Variants in ZCCHC2 observed in about 807,000 individuals in gnomAD.
ZCCHC2 encodes the protein zinc finger CCHC domain-containing protein 2.
Under a neutral mutation model 103.6 loss-of-function variants are expected in ZCCHC2, and 39 were observed. That is an observed-to-expected ratio of 0.38 (90% CI 0.29 to 0.49). The LOEUF (loss-of-function observed/expected upper bound fraction) is 0.49. Ranked by LOEUF, ZCCHC2 falls within the 20% of genes least tolerant of loss-of-function variation. The pLI, the probability that ZCCHC2 is intolerant of heterozygous loss-of-function variation, is 0.96. For missense variants in ZCCHC2, 1,483 were observed against 1,491.0 expected (o/e 0.99, Z 0.09); for synonymous variants, 687 against 608.9 (o/e 1.13, Z -1.89).
At chr18:62,525,996 C>T (rs914185834) in intron 1 of ZCCHC2, 6 of 152,230 alleles carry the variant, frequency 3.9e-5, no homozygotes, top group Admixed American at 3.9e-4. Context: ...AAATGTCCCA[C>T]AGTGGAACCT....
rs750643689 is a variant in ZCCHC2, at chr18:62,576,616, T to TG, written c.*41dup. 1.3e-6 allele frequency: 2 copies of TG among 1,580,388 alleles called. No individual in the cohort carries two copies. The highest frequency in any genetic ancestry group is 1.1e-5 in the South Asian group (1 of 89,636). On this transcript the variant is annotated 3_prime_UTR_variant, in exon 14 of 14. Coordinates refer to ENST00000269499, the MANE Select transcript of ZCCHC2 (RefSeq NM_017742.6). The stretch of plus-strand genomic sequence containing the variant: ...CTTGCCTACTTAATACACTCAAGTG[T>TG]GGGGAGTCATGGGGTGTGGAGGGGA...
intron 5 of ZCCHC2, chr18:62,552,445 A>G (rs1169505771): frequency 6.6e-6 from 1 of 152,188 alleles, no homozygotes; most frequent in African/African-American, 2.4e-5. Flanking sequence ...GGAAATACTC[A>G]CTGATGTCTT....
At chr18:62,525,842 T>C (rs917100684) in intron 1 of ZCCHC2, 2 of 152,144 alleles carry the variant, frequency 1.3e-5, no homozygotes, top group African/African-American at 4.8e-5. Flanking sequence ...TTCAGCCTAC[T>C]CGTTAATTTC....
chr18:62,549,152 G>A (rs1915553139), intron 4 of ZCCHC2, among the ~76,000 whole-genome samples: 1 of 152,098 alleles, frequency 6.6e-6, no homozygotes, highest in Non-Finnish European at 1.5e-5. Context: ...CCGGGAGGTG[G>A]AGCTTGCAGT....
chr18:62,564,039 C>T (rs1916236860), intron 9 of ZCCHC2, among the ~76,000 whole-genome samples: 1 of 152,132 alleles, frequency 6.6e-6, no homozygotes, highest in African/African-American at 2.4e-5. Flanking sequence ...CCGATGTTGT[C>T]CCTGGCCAAC....
chr18:62,524,352 C>G lies in ZCCHC2; in HGVS notation c.928C>G (p.Pro310Ala), dbSNP rs775611305. 23 of 1,523,024 alleles carry G rather than the reference C, an allele frequency of 1.5e-5. No individual in the cohort carries two copies. In the Middle Eastern group the frequency reaches 6.9e-4, roughly 45 times the overall value. 94.3% of individuals were successfully genotyped at this position (1,523,024 alleles called of 1,614,324 possible). The change falls in exon 1 of 14, where the codon CCC (proline) becomes GCC (alanine). Residue 310 changes from proline to alanine, a missense_variant. Coordinates refer to ENST00000269499, the MANE Select transcript of ZCCHC2 (RefSeq NM_017742.6). ...VEVEPCKFAGPRAQNNSAHGD... is the reference protein window; with the variant it reads ...VEVEPCKFAGARAQNNSAHGD... ...GGTAGAGCCGTGCAAGTTTGCCGGC[C>G]CCAGGGCCCAGGTAAGGCGCACGGA...
Position 62,575,160 on chromosome 18 carries a change from C to T in ZCCHC2, c.3079C>T (p.Leu1027Phe). Residue 1027 changes from leucine to phenylalanine, a missense_variant, in exon 13 of 14, where the codon CTT (leucine) becomes TTT (phenylalanine). Coordinates refer to ENST00000269499, the MANE Select transcript of ZCCHC2 (RefSeq NM_017742.6). The part of the protein sequence containing the change: ...RRCSCGTNGN[L>F]QLNSYYYPNP... ...GTGCAGCTGTGGGACCAATGGAAACCTTCAGCTAAATAGTTACTATTATCC... is the reference window on the plus strand; with the variant it reads ...GTGCAGCTGTGGGACCAATGGAAACTTTCAGCTAAATAGTTACTATTATCC... The T allele has an allele frequency of 3.7e-6, 6 of 1,614,028 alleles. No individual in the cohort carries two copies. The highest frequency in any genetic ancestry group is 1.1e-5 in the South Asian group (1 of 91,082).
intron 12 of ZCCHC2, among the ~76,000 whole-genome samples, chr18:62,573,761 G>A (rs183667306): frequency 1.4e-3 from 215 of 152,308 alleles, no homozygotes; most frequent in South Asian, 8.7e-3. Flanking sequence ...GCTCTTCTCA[G>A]TACAAAGATG....
chr18:62,547,194 C>T (rs1291917548), intron 4 of ZCCHC2, among the ~76,000 whole-genome samples: 3 of 151,890 alleles, frequency 2.0e-5, no homozygotes, highest in Non-Finnish European at 4.4e-5. Context: ...GGCATGGTGG[C>T]GGGCGCCTGT....
At chr18:62,564,789 G>A (rs544577009) in intron 10 of ZCCHC2, among the ~76,000 whole-genome samples, 154 bp downstream of exon 10, 2 of 151,504 alleles carry the variant, frequency 1.3e-5, no homozygotes, top group Non-Finnish European at 2.9e-5. Flanking sequence ...ATATATGCAG[G>A]TGATAAAAAT....
chr18:62,570,388 C>A (rs993625282), intron 12 of ZCCHC2, among the ~76,000 whole-genome samples, 157 bp downstream of exon 12: 1 of 152,050 alleles, frequency 6.6e-6, no homozygotes, highest in Admixed American at 6.5e-5. Flanking sequence ...TAAAGGATGT[C>A]GTATAGATCA....
intron 11 of ZCCHC2, among the ~76,000 whole-genome samples, chr18:62,565,437 G>A (rs933542333): frequency 2.0e-5 from 3 of 152,056 alleles, no homozygotes; most frequent in African/African-American, 4.8e-5. Context: ...TGGCTTTGCC[G>A]GCCGCTCATG....
At chr18:62,583,668 C>T (rs1463840984) in intron 14 of ZCCHC2, among the ~76,000 whole-genome samples, 1 of 102,078 alleles carries the variant, frequency 9.8e-6, no homozygotes, top group African/African-American at 3.4e-5. Flanking sequence ...AAAATACTGA[C>T]CCCCCCCTCC....
chr18:62,526,469 C>T (rs912176370), intron 1 of ZCCHC2: 3 of 152,414 alleles, frequency 2.0e-5, no homozygotes, highest in East Asian at 1.9e-4. Context: ...GTAGAGTGAC[C>T]TCCGAGTCCC....
intron 1 of ZCCHC2, among the ~76,000 whole-genome samples, chr18:62,532,158 C>G (rs886397722): frequency 3.3e-5 from 5 of 152,214 alleles, no homozygotes; most frequent in East Asian, 3.9e-4. Flanking sequence ...TGGTGTATAT[C>G]TCATTGAATG....
chr18:62,577,464 G>C lies in ZCCHC2; in HGVS notation c.*885G>C, dbSNP rs1226508082. ...AATTTTACTTGTCTACCACCGTGTTGTGCTCAAAGAGACACTACTTGAGTG... is the reference window on the plus strand; with the variant it reads ...AATTTTACTTGTCTACCACCGTGTTCTGCTCAAAGAGACACTACTTGAGTG... On this transcript the variant is annotated 3_prime_UTR_variant, in exon 14 of 14. Coordinates refer to ENST00000269499, the MANE Select transcript of ZCCHC2 (RefSeq NM_017742.6). The C allele has an allele frequency of 6.6e-6, 1 of 152,422 alleles. No individual in the cohort carries two copies. Among genetic ancestry groups the C allele is most frequent in the African/African-American group, 2.4e-5 (1 of 41,440 alleles). 9.4% of individuals were successfully genotyped at this position (152,422 alleles called of 1,614,324 possible). A position where few individuals can be genotyped will look rare whatever the true frequency, so the allele number is the denominator to read the frequency against.
chr18:62,548,273 C>G (rs1915503935), intron 4 of ZCCHC2, among the ~76,000 whole-genome samples: 1 of 151,776 alleles, frequency 6.6e-6, no homozygotes, highest in African/African-American at 2.4e-5. Context: ...TTTTTTTTAG[C>G]AAATGAGTCT....
chr18:62,544,968 A>G (rs1042841026), intron 4 of ZCCHC2, 95 bp downstream of exon 4: 38 of 1,020,610 alleles, frequency 3.7e-5, no homozygotes, highest in Non-Finnish European at 4.7e-5. Flanking sequence ...ATTAAAACAT[A>G]CAGATAAAGG....
At chr18:62,572,104 C>T (rs1330515572) in intron 12 of ZCCHC2, among the ~76,000 whole-genome samples, 1 of 152,040 alleles carries the variant, frequency 6.6e-6, no homozygotes, top group African/African-American at 2.4e-5. Flanking sequence ...ATTTATGAGA[C>T]AGGGTCTTGC....
Sources: gnomAD v4.1 joint callset for allele counts (sites outside exome capture counted in the v4.1 genomes callset) on GRCh38, gnomAD v4.1.1 for gene constraint, MANE v1.5 for transcripts, NCBI Gene and HGNC (gene_info 2026-07-23, HGNC 2026-07-21) for gene names.